The following NKAIN2 variants were observed in gnomAD, a reference collection of about 807,000 sequenced individuals.
The protein encoded by NKAIN2 is sodium/potassium transporting ATPase interacting 2.
Under a neutral mutation model 32.6 loss-of-function variants are expected in NKAIN2, and 14 were observed. That is an observed-to-expected ratio of 0.43 (90% CI 0.28 to 0.67). NKAIN2 has a LOEUF of 0.67. Among genes scored for constraint, NKAIN2 ranks in the 30% least tolerant of loss-of-function variants. The probability of loss-of-function intolerance (pLI) is 0.17; values close to 1 mark genes in which losing one functional copy is unlikely to be tolerated. For synonymous variants in NKAIN2, 80 were observed against 87.2 expected (o/e 0.92, Z 0.46); for missense variants, 198 against 258.3 (o/e 0.77, Z 1.60).
intron 2 of NKAIN2, among the ~76,000 whole-genome samples, chr6:124,319,546 C>T (rs544062320): frequency 1.3e-5 from 2 of 152,160 alleles, no homozygotes; most frequent in East Asian, 3.9e-4. Context: ...TCTAATTATG[C>T]CATTATCTTT....
At chr6:124,502,534 A>G (rs543412649) in intron 3 of NKAIN2, among the ~76,000 whole-genome samples, 2 of 152,294 alleles carry the variant, frequency 1.3e-5, no homozygotes, top group East Asian at 3.9e-4. Flanking sequence ...TATGTAATCA[A>G]ATTTCCCAGT....
chr6:124,300,823 G>A (rs973347856), intron 2 of NKAIN2, among the ~76,000 whole-genome samples: 1 of 152,022 alleles, frequency 6.6e-6, no homozygotes, highest in Non-Finnish European at 1.5e-5. Context: ...GATGATTTAG[G>A]GTATCTGGCA....
At chr6:124,012,526 G>A (rs538130439) in intron 1 of NKAIN2, among the ~76,000 whole-genome samples, 10 of 151,818 alleles carry the variant, frequency 6.6e-5, no homozygotes, top group Non-Finnish European at 1.3e-4. Context: ...AGTAGAGACG[G>A]GGTTTCACCA....
chr6:124,433,637 G>T (rs1378033879), intron 3 of NKAIN2, among the ~76,000 whole-genome samples: 1 of 152,156 alleles, frequency 6.6e-6, no homozygotes, highest in Non-Finnish European at 1.5e-5. Flanking sequence ...ATCACTGACA[G>T]CCAAGATTTA....
In NKAIN2 at chr6:124,402,394, G is replaced by A. The variant is rs183912730; in HGVS notation, c.273+47047G>A. On this transcript the variant is annotated intron_variant, in intron 3 of 6. Transcript: ENST00000368417. The stretch of plus-strand genomic sequence containing the variant: ...TGTCCTGAAACAACCATCCTTTCCC[G>A]TTACATCTGTGTTGTGATAAGTCAA... Among the ~76,000 whole-genome samples, 174 of 152,214 alleles carry A rather than the reference G, an allele frequency of 1.1e-3. 1 individual carries two copies. Among genetic ancestry groups the A allele is most frequent in the South Asian group, 5.8e-3 (28 of 4,808 alleles).
At chr6:124,044,617 T>C (rs972335984) in intron 1 of NKAIN2, among the ~76,000 whole-genome samples, 1 of 152,100 alleles carries the variant, frequency 6.6e-6, no homozygotes, top group Non-Finnish European at 1.5e-5. Context: ...ATGTACACTG[T>C]TGAGCCCCAG....
intron 1 of NKAIN2, among the ~76,000 whole-genome samples, chr6:124,213,109 T>C (rs1214507793): frequency 6.6e-6 from 1 of 152,152 alleles, no homozygotes; most frequent in Non-Finnish European, 1.5e-5. Flanking sequence ...GCGAATATCC[T>C]ATAGGAGATG....
At chr6:124,241,819 G>A (rs1793115346) in intron 1 of NKAIN2, among the ~76,000 whole-genome samples, 1 of 151,740 alleles carries the variant, frequency 6.6e-6, no homozygotes, top group South Asian at 2.1e-4. Context: ...TTTTTTAAAA[G>A]TACTATCATA....
chr6:123,997,621 TGAG>T (rs1779683214), intron 1 of NKAIN2, among the ~76,000 whole-genome samples: 2 of 107,034 alleles, frequency 1.9e-5, no homozygotes, highest in Non-Finnish European at 3.7e-5. Context: ...TTTTTTTTTT[TGAG>T]ACAGAGTCTC....
chr6:123,976,301 A>G lies in NKAIN2; in HGVS notation c.54+172047A>G, dbSNP rs1459481026. ...TATGTTTCCATATATATGTTTCCATATATATGTTTCCATATATATATATGT... is the reference window on the plus strand; with the variant it reads ...TATGTTTCCATATATATGTTTCCATGTATATGTTTCCATATATATATATGT... On this transcript the variant is annotated intron_variant, in intron 1 of 6. Coordinates refer to ENST00000368417, the MANE Select transcript of NKAIN2 (RefSeq NM_001040214.3). 7.4e-5 allele frequency among the ~76,000 whole-genome samples: 7 copies of G among 95,096 alleles called. 1 individual carries two copies. The highest frequency in any genetic ancestry group is 2.7e-4 in the African/African-American group (7 of 25,682). 62.4% of individuals were successfully genotyped at this position (95,096 alleles called of 152,430 possible).
chr6:123,933,840 C>A (rs235693), intron 1 of NKAIN2, among the ~76,000 whole-genome samples: 118,041 of 152,122 alleles, frequency 0.78, 46,300 homozygotes, highest in East Asian at 0.91. Context: ...TCAGTGCTCA[C>A]GGGTCATTTT....
At chr6:124,807,366 G>A (rs1780623792) in intron 5 of NKAIN2, among the ~76,000 whole-genome samples, 1 of 150,484 alleles carries the variant, frequency 6.6e-6, no homozygotes, top group African/African-American at 2.4e-5. Context: ...CATGGAAACT[G>A]AACAACCTGC....
At chr6:124,185,899 C>A (rs1789701416) in intron 1 of NKAIN2, among the ~76,000 whole-genome samples, 1 of 151,762 alleles carries the variant, frequency 6.6e-6, no homozygotes, top group Non-Finnish European at 1.5e-5. Context: ...TAACATTTCC[C>A]CTTTGAATAT....
intron 1 of NKAIN2, among the ~76,000 whole-genome samples, chr6:124,226,375 T>C (rs964978102): frequency 3.9e-5 from 6 of 152,036 alleles, no homozygotes; most frequent in Non-Finnish European, 1.5e-5. Flanking sequence ...AAGCACAGTT[T>C]CTTTAAAACA....
intron 5 of NKAIN2, among the ~76,000 whole-genome samples, chr6:124,803,212 T>A (rs552122898): frequency 6.6e-6 from 1 of 152,190 alleles, no homozygotes; most frequent in African/African-American, 2.4e-5. Context: ...ATCTATCAAA[T>A]AGAAACTTGA....
intron 1 of NKAIN2, among the ~76,000 whole-genome samples, chr6:123,808,216 T>G (rs1309554976): frequency 1.3e-5 from 2 of 152,148 alleles, no homozygotes; most frequent in Non-Finnish European, 2.9e-5. Flanking sequence ...TTGACGGTTT[T>G]TCAGAAGTTT....
chr6:124,607,471 T>C (rs1782542097), intron 3 of NKAIN2, among the ~76,000 whole-genome samples: 3 of 152,126 alleles, frequency 2.0e-5, no homozygotes, highest in South Asian at 4.1e-4. Context: ...TTGCCTGCTA[T>C]TGGGGCTGTT....
intron 3 of NKAIN2, among the ~76,000 whole-genome samples, chr6:124,417,040 C>T (rs1452867004): frequency 6.6e-6 from 1 of 152,036 alleles, no homozygotes; most frequent in African/African-American, 2.4e-5. Context: ...TAACATAATA[C>T]CAAATAATCT....
At chr6:124,484,954 T>TA (rs1048210176) in intron 3 of NKAIN2, among the ~76,000 whole-genome samples, 16 of 151,794 alleles carry the variant, frequency 1.1e-4, no homozygotes, top group African/African-American at 2.4e-4. Flanking sequence ...TTGTGCATAA[T>TA]AAAAAAAAGA....
Sources: allele counts gnomAD v4.1 joint callset (sites outside exome capture counted in the v4.1 genomes callset), GRCh38; gene constraint gnomAD v4.1.1; transcripts MANE v1.5; gene names NCBI Gene and HGNC (gene_info 2026-07-23, HGNC 2026-07-21).